The following ARPC1B variants were observed in gnomAD, a reference collection of about 807,000 sequenced individuals.
ARPC1B encodes the protein actin-related protein 2/3 complex subunit 1B.
ARPC1B carries 29 observed loss-of-function variants against 46.0 expected under a neutral mutation model. The ratio of observed to expected loss-of-function variants is 0.63; its 90% CI spans 0.47 to 0.86. The LOEUF (loss-of-function observed/expected upper bound fraction) is 0.86, where lower values mean the gene tolerates loss of function less well. ARPC1B is among the 40% of genes least tolerant of loss of function. The pLI, the probability that ARPC1B is intolerant of heterozygous loss-of-function variation, is 0.00. For missense variants in ARPC1B, 469 were observed against 529.4 expected, an observed-to-expected ratio of 0.89 and a Z score of 1.12; for synonymous variants, 201 against 213.9, an observed-to-expected ratio of 0.94 and a Z score of 0.53.
At position 99,374,968 on chromosome 7, in the gene ARPC1B, C is replaced by T. The variant is rs1793988805; in HGVS notation, c.-14+187C>T. Among the ~76,000 whole-genome samples the T allele has an allele frequency of 1.3e-5, 1 of 77,156 alleles. No homozygotes were observed. The highest frequency in any genetic ancestry group is 2.5e-5 in the Non-Finnish European group (1 of 40,168). The allele number at this position is 77,156 out of a possible 152,430, so 50.6% of individuals were successfully genotyped here. ...TGTGGGGCGCCGCCCAATAGGGGCA[C>T]GGGGATGAGTGGGGGCACATGGAGA... On this transcript the variant is annotated intron_variant, in intron 1 of 9. Coordinates refer to ENST00000646101, the MANE Select transcript of ARPC1B (RefSeq NM_005720.4). The surrounding 1 kb of genome is among the most constrained non-coding windows in gnomAD (Gnocchi z 5.0).
Position 99,385,689 on chromosome 7 carries a change from C to T in ARPC1B, c.-13-13C>T, listed in dbSNP as rs1794369019. 1.2e-6 allele frequency: 2 copies of T among 1,602,304 alleles called. No individual in the cohort carries two copies. Among genetic ancestry groups the T allele is most frequent in the East Asian group, 4.5e-5 (2 of 44,532 alleles). Reference sequence around the variant, plus strand: ...GGGCTGACGTGGATTCTCTCTTCCTCTCTCGGGCACAGGAGCCAAGCCGCC... The same window carrying T: ...GGGCTGACGTGGATTCTCTCTTCCTTTCTCGGGCACAGGAGCCAAGCCGCC... On this transcript the variant is annotated splice_polypyrimidine_tract_variant and intron_variant, in intron 1 of 9. Transcript: ENST00000646101.
intron 1 of ARPC1B, among the ~76,000 whole-genome samples, chr7:99,380,120 G>T (rs1332326057): frequency 6.6e-6 from 1 of 152,196 alleles, no homozygotes; most frequent in Non-Finnish European, 1.5e-5. Context: ...GAGACATCCA[G>T]AGCAGGGTAA....
chr7:99,383,679 C>T (rs1326531606), intron 1 of ARPC1B, among the ~76,000 whole-genome samples: 1 of 152,166 alleles, frequency 6.6e-6, no homozygotes, highest in Non-Finnish European at 1.5e-5. Flanking sequence ...AGTGGCAGCA[C>T]CAGAGCGAGA....
rs113163062 is a variant in ARPC1B at position 99,378,543 on chromosome 7, C to T, written c.-14+3762C>T. Among the ~76,000 whole-genome samples, 1,113 of 151,148 alleles carry T rather than the reference C, an allele frequency of 7.4e-3. 17 individuals are homozygous for T. The highest frequency in any genetic ancestry group is 0.026 in the African/African-American group (1,056 of 41,294). ...AAAACAAAAACAAAAATTAGCTGGG[C>T]GTGGTGGTGGGCACCTGTAGTTCCA... On this transcript the variant is annotated intron_variant, in intron 1 of 9. Transcript: ENST00000646101.
At chr7:99,375,640 C>T (rs1352954598) in intron 1 of ARPC1B, among the ~76,000 whole-genome samples, 2 of 152,220 alleles carry the variant, frequency 1.3e-5, no homozygotes, top group African/African-American at 4.8e-5. Context: ...CCACCCATCC[C>T]GGCCGGGCGC....
chr7:99,391,179 G>A lies in ARPC1B; in HGVS notation c.709G>A (p.Val237Ile), dbSNP rs776539765. The A allele has an allele frequency of 1.5e-5, 24 of 1,613,854 alleles. No individual in the cohort carries two copies. Among genetic ancestry groups the A allele is most frequent in the East Asian group, 2.2e-5 (1 of 44,882 alleles). ...TGACTCACAGCTCTCTCCCCTCAGC[G>A]TCGCGACTCTGGCCTCTGAAACACT... Reference protein sequence around the residue: ...CLADADKKMAVATLASETLPL... With the variant: ...CLADADKKMAIATLASETLPL... Residue 237 changes from valine to isoleucine, a missense_variant and splice_region_variant, in exon 7 of 10, where the codon GTC becomes ATC. By Grantham distance (29) the Val-to-Ile change is conservative. Transcript: ENST00000646101.
chr7:99,390,768 G>C, intron 5 of ARPC1B, 125 bp from the exon 6 acceptor site: 1 of 741,924 alleles, frequency 1.3e-6, no homozygotes, highest in South Asian at 1.8e-5. Flanking sequence ...CGCAATCACA[G>C]CTCACTGCAG....
chr7:99,375,925 G>C (rs1042848044), intron 1 of ARPC1B, among the ~76,000 whole-genome samples: 8 of 152,052 alleles, frequency 5.3e-5, no homozygotes, highest in African/African-American at 1.9e-4. Context: ...ACCCAGGCAT[G>C]GTGGCACGCA....
intron 3 of ARPC1B, among the ~76,000 whole-genome samples, chr7:99,387,443 A>G (rs1794427627): frequency 6.6e-6 from 1 of 151,762 alleles, no homozygotes; most frequent in African/African-American, 2.4e-5. Context: ...CAATAAAAAC[A>G]AAGAAAGAAA....
At chr7:99,378,373 T>C (rs1027336262) in intron 1 of ARPC1B, among the ~76,000 whole-genome samples, 95 of 150,486 alleles carry the variant, frequency 6.3e-4, no homozygotes, top group Non-Finnish European at 9.7e-4. Context: ...GCACCCCACC[T>C]GTTTGCTTTT....
At chr7:99,382,137 G>C (rs1794247556) in intron 1 of ARPC1B, among the ~76,000 whole-genome samples, 1 of 152,122 alleles carries the variant, frequency 6.6e-6, no homozygotes, top group South Asian at 2.1e-4. Flanking sequence ...TTGAAGTCAA[G>C]AATGTATACA....
chr7:99,390,801 A>C, intron 5 of ARPC1B, 92 bp from the exon 6 acceptor site: 1 of 1,195,350 alleles, frequency 8.4e-7, no homozygotes, highest in Non-Finnish European at 1.2e-6. Context: ...GGGTTCAAGC[A>C]ATCCTCCCGC....
At position 99,389,957 on chromosome 7, in the gene ARPC1B, G is replaced by A. The variant is rs143427534; in HGVS notation, c.445G>A (p.Asp149Asn). The A allele has an allele frequency of 1.9e-6, 3 of 1,614,038 alleles. No homozygotes were observed. Among genetic ancestry groups the A allele is most frequent in the Non-Finnish European group, 2.5e-6 (3 of 1,180,036 alleles). Residue 149 changes from aspartate to asparagine, a missense_variant, in exon 5 of 10, where the codon GAC becomes AAC. Transcript: ENST00000646101. Reference protein sequence around the residue: ...KPIRSTVLSLDWHPNNVLLAA... With the variant: ...KPIRSTVLSLNWHPNNVLLAA... ...CATCCGCTCCACCGTCCTCAGCCTG[G>A]ACTGGCACCCCAACAATGTGCTGCT... is the stretch of plus-strand genomic sequence containing the variant.
intron 2 of ARPC1B, 135 bp downstream of exon 2, chr7:99,385,913 C>A: frequency 1.1e-6 from 1 of 896,810 alleles, no homozygotes; most frequent in Non-Finnish European, 1.7e-6. Context: ...CTGGCCTCAC[C>A]CCTGGGTCTT....
chr7:99,375,572 A>AT (rs1479891144), intron 1 of ARPC1B, among the ~76,000 whole-genome samples: 10 of 118,624 alleles, frequency 8.4e-5, no homozygotes, highest in African/African-American at 7.6e-4. Context: ...CAGGAGTGCA[A>AT]GCCTGGGGAG....
Position 99,392,886 on chromosome 7 carries a change from G to A in ARPC1B, c.989+10G>A, listed in dbSNP as rs1298663846. 2 of 1,529,940 alleles carry A rather than the reference G, an allele frequency of 1.3e-6. No individual in the cohort carries two copies. Among genetic ancestry groups the A allele is most frequent in the Non-Finnish European group, 8.8e-7 (1 of 1,134,070 alleles). The allele number at this position is 1,529,940 out of a possible 1,614,324, so 94.8% of individuals were successfully genotyped here. A position where few individuals can be genotyped will look rare whatever the true frequency, so the allele number is the denominator to read the frequency against. On this transcript the variant is annotated intron_variant, in intron 8 of 9. Coordinates refer to ENST00000646101, the MANE Select transcript of ARPC1B (RefSeq NM_005720.4). ...ACAAGAACAGCGTCAGGTGAGAGCG[G>A]GAGCCGGGCCGGCGGGTGGGCGGGG...
chr7:99,381,236 GC>G (rs1454993653), intron 1 of ARPC1B, among the ~76,000 whole-genome samples: 1 of 152,234 alleles, frequency 6.6e-6, no homozygotes, highest in Non-Finnish European at 1.5e-5. Flanking sequence ...GGGTAAGGCT[GC>G]CCACACGTGC....
At chr7:99,391,291 A>T in intron 7 of ARPC1B, 38 bp downstream of exon 7, 1 of 1,600,656 alleles carries the variant, frequency 6.2e-7, no homozygotes, top group Non-Finnish European at 8.5e-7. Flanking sequence ...GTGTGGTCAC[A>T]GCAGGCCTCC....
intron 8 of ARPC1B, among the ~76,000 whole-genome samples, chr7:99,393,336 G>A (rs1794642023): frequency 6.6e-6 from 1 of 152,186 alleles, no homozygotes; most frequent in African/African-American, 2.4e-5. Context: ...ATCAGATGGG[G>A]CTGAGCAGCT....
Sources: allele counts gnomAD v4.1 joint callset (sites outside exome capture counted in the v4.1 genomes callset), GRCh38; gene constraint gnomAD v4.1.1; non-coding constraint Gnocchi (gnomAD v3.1); transcripts MANE v1.5; gene names NCBI Gene and HGNC (gene_info 2026-07-23, HGNC 2026-07-21).